The following PLS1 variants were observed in gnomAD, a reference collection of about 807,000 sequenced individuals.
The protein encoded by PLS1 is plastin-1.
A neutral mutation model predicts 73.7 loss-of-function variants in PLS1; 32 were observed. The observed-to-expected ratio is 0.43, with a 90% CI of 0.33 to 0.58. The LOEUF (loss-of-function observed/expected upper bound fraction) is 0.58. Ranked by LOEUF, PLS1 falls within the 20% of genes least tolerant of loss-of-function variation. The probability of loss-of-function intolerance (pLI) is 0.04; values close to 1 mark genes in which losing one functional copy is unlikely to be tolerated. For synonymous variants in PLS1, 217 were observed against 261.3 expected, an observed-to-expected ratio of 0.83 and a Z score of 1.63; for missense variants, 633 against 740.5, an observed-to-expected ratio of 0.85 and a Z score of 1.68.
intron 1 of PLS1, among the ~76,000 whole-genome samples, chr3:142,657,630 T>C (rs2037270708): frequency 6.6e-6 from 1 of 152,058 alleles, no homozygotes; most frequent in Admixed American, 6.6e-5. Context: ...GCTGGGACTA[T>C]AGGCGTGTGC....
chr3:142,692,644 A>T (rs2038110651), intron 10 of PLS1, among the ~76,000 whole-genome samples: 2 of 152,272 alleles, frequency 1.3e-5, no homozygotes, highest in South Asian at 4.1e-4. Flanking sequence ...TGAACCCCCG[A>T]AGATAGTTTC....
At position 142,597,538 on chromosome 3, in the gene PLS1, A is replaced by G. The variant is rs184596046; in HGVS notation, c.-37+1029A>G. On this transcript the variant is annotated intron_variant, in intron 1 of 15. Transcript: ENST00000457734. ...AGAAACCTATATGGAAAGGGAATAC[A>G]GGTATCCTGCCCCCCTTCATTCCTC... is the stretch of plus-strand genomic sequence containing the variant. 3.3e-5 allele frequency among the ~76,000 whole-genome samples: 5 copies of G among 152,368 alleles called. No homozygotes were observed. The East Asian group carries it at 9.6e-4, about 29-fold the overall frequency.
chr3:142,641,985 A>G (rs2036852185), intron 1 of PLS1, among the ~76,000 whole-genome samples: 1 of 151,844 alleles, frequency 6.6e-6, no homozygotes, highest in South Asian at 2.1e-4. Context: ...CACTCCCTTG[A>G]GTTGTGAGTG....
At chr3:142,663,208 C>T (rs559087380) in intron 1 of PLS1, among the ~76,000 whole-genome samples, 1 of 152,014 alleles carries the variant, frequency 6.6e-6, no homozygotes, top group South Asian at 2.1e-4. Context: ...AAGTGAGACT[C>T]TGTCGCAGAA....
Position 142,684,164 on chromosome 3 carries a change from G to A in PLS1, c.738G>A (p.Arg246=). Residue 246 remains arginine (R), a synonymous_variant, in exon 7 of 16, where the codon AGG becomes AGA. Transcript: ENST00000457734. ...VGLFADIEIS[R]NEALIALLNE... is the part of the protein sequence containing the mutation. Reference sequence around the variant, plus strand: ...TTTTTGCTGATATTGAGATTTCCAGGAATGAAGGTAAGATCATTAGAAATA... The same window carrying A: ...TTTTTGCTGATATTGAGATTTCCAGAAATGAAGGTAAGATCATTAGAAATA... 6.2e-7 allele frequency: 1 copy of A among 1,613,972 alleles called. No individual in the cohort carries two copies. The highest frequency in any genetic ancestry group is 2.2e-5 in the East Asian group (1 of 44,886).
chr3:142,630,570 G>A (rs1227965005), intron 1 of PLS1, among the ~76,000 whole-genome samples: 1 of 151,936 alleles, frequency 6.6e-6, no homozygotes, highest in African/African-American at 2.4e-5. Context: ...GGCCAACATG[G>A]TGAAACTCCA....
intron 11 of PLS1, 109 bp downstream of exon 11, chr3:142,694,656 C>A: frequency 1.7e-6 from 1 of 598,836 alleles, no homozygotes; most frequent in South Asian, 2.4e-5. Flanking sequence ...GAATTTTAGC[C>A]AATTTTTAGA....
chr3:142,636,543 A>C (rs568128923), intron 1 of PLS1, among the ~76,000 whole-genome samples: 2 of 152,348 alleles, frequency 1.3e-5, no homozygotes, highest in African/African-American at 4.8e-5. Context: ...ACAACGCCAA[A>C]AGCATGGTCT....
At chr3:142,675,702 G>T (rs929023712) in intron 4 of PLS1, among the ~76,000 whole-genome samples, 10 of 151,480 alleles carry the variant, frequency 6.6e-5, no homozygotes, top group South Asian at 4.2e-4. Flanking sequence ...TTTTGAAAGG[G>T]TCTCTCTTTG....
chr3:142,657,996 G>T (rs1263360329), intron 1 of PLS1, among the ~76,000 whole-genome samples: 1 of 151,602 alleles, frequency 6.6e-6, no homozygotes, highest in Admixed American at 6.6e-5. Context: ...TCCTTTATTA[G>T]TGGCTTGTGG....
At chr3:142,630,828 T>G (rs927251441) in intron 1 of PLS1, among the ~76,000 whole-genome samples, 2 of 152,014 alleles carry the variant, frequency 1.3e-5, no homozygotes, top group Non-Finnish European at 2.9e-5. Context: ...AGTGTACAGT[T>G]CCTGCTTTCA....
At chr3:142,600,889 TATATATATATATATATATATATATATA>T (rs2035902164) in intron 1 of PLS1, among the ~76,000 whole-genome samples, 5 of 20,142 alleles carry the variant, frequency 2.5e-4, no homozygotes, top group South Asian at 2.0e-3. Flanking sequence ...TATATATATA[TATATATATATATATATATATATATATA>T]TTTTTTTTTT....
At chr3:142,632,665 C>T (rs2036592013) in intron 1 of PLS1, among the ~76,000 whole-genome samples, 1 of 151,024 alleles carries the variant, frequency 6.6e-6, no homozygotes, top group South Asian at 2.1e-4. Context: ...GTGGCATGAT[C>T]CCAACTCAAT....
chr3:142,600,890 ATATATATATATATATATATATATATATTT>A (rs1223661756), intron 1 of PLS1, among the ~76,000 whole-genome samples: 5 of 18,332 alleles, frequency 2.7e-4, no homozygotes, highest in South Asian at 2.1e-3. Context: ...ATATATATAT[ATATATATATATATATATATATATATATTT>A]TTTTTTTTTT....
At chr3:142,640,325 C>G (rs781295146) in intron 1 of PLS1, among the ~76,000 whole-genome samples, 1 of 152,168 alleles carries the variant, frequency 6.6e-6, no homozygotes, top group African/African-American at 2.4e-5. Flanking sequence ...AAATTTTTAT[C>G]AAGCAACAAC....
chr3:142,637,581 C>A (rs964461896), intron 1 of PLS1, among the ~76,000 whole-genome samples: 1 of 152,192 alleles, frequency 6.6e-6, no homozygotes, highest in Admixed American at 6.5e-5. Flanking sequence ...GAAAAATGAT[C>A]ATGAAAAGCT....
chr3:142,704,783 G>A (rs2038421643), intron 14 of PLS1, among the ~76,000 whole-genome samples, 197 bp downstream of exon 14: 1 of 150,230 alleles, frequency 6.7e-6, no homozygotes, highest in Non-Finnish European at 1.5e-5. Flanking sequence ...TGAGTAGCTG[G>A]GACTACAGGT....
At position 142,704,460 on chromosome 3, in the gene PLS1, C is replaced by T; in HGVS notation, c.1506-3C>T. The T allele has an allele frequency of 6.3e-7, 1 of 1,597,786 alleles. No homozygotes were observed. Among genetic ancestry groups the T allele is most frequent in the South Asian group, 1.1e-5 (1 of 88,474 alleles). On this transcript the variant is annotated splice_polypyrimidine_tract_variant and splice_region_variant and intron_variant, in intron 13 of 15. Transcript: ENST00000457734. ...TCTCAAATATACATCTTTTCTGTTG[C>T]AGGTACACATTGAATGTGTTATCGG...
At chr3:142,610,103 A>G (rs956450470) in intron 1 of PLS1, among the ~76,000 whole-genome samples, 4 of 152,202 alleles carry the variant, frequency 2.6e-5, no homozygotes, top group Non-Finnish European at 5.9e-5. Context: ...TCCTGACCTC[A>G]GTTGATCCAT....
Sources: allele counts gnomAD v4.1 joint callset (sites outside exome capture counted in the v4.1 genomes callset), GRCh38; gene constraint gnomAD v4.1.1; transcripts MANE v1.5; gene names NCBI Gene and HGNC (gene_info 2026-07-23, HGNC 2026-07-21).